The following PIAS1 variants were observed in gnomAD, a reference collection of about 807,000 sequenced individuals.
PIAS1 encodes the protein protein inhibitor of activated STAT 1.
In PIAS1, 6 loss-of-function variants were observed where a neutral mutation model predicts 71.3. The observed-to-expected ratio is 0.08, with a 90% confidence interval of 0.05 to 0.17. The LOEUF (loss-of-function observed/expected upper bound fraction) is 0.17. Ranked by LOEUF, PIAS1 falls within the 10% of genes least tolerant of loss-of-function variation. The pLI is 1.00. For missense variants in PIAS1, 555 were observed against 793.6 expected (o/e 0.70, Z 3.61); for synonymous variants, 303 against 292.9 (o/e 1.03, Z -0.35).
intron 2 of PIAS1, among the ~76,000 whole-genome samples, chr15:68,133,047 G>A (rs1324233446): frequency 6.6e-6 from 1 of 151,018 alleles, no homozygotes; most frequent in Non-Finnish European, 1.5e-5. Flanking sequence ...TACACAGAAA[G>A]TAGTAGCATA....
At chr15:68,100,239 A>C (rs2092411640) in intron 2 of PIAS1, among the ~76,000 whole-genome samples, 1 of 152,204 alleles carries the variant, frequency 6.6e-6, no homozygotes, top group Admixed American at 6.5e-5. Context: ...GCAGTATCCA[A>C]ACTAGGACAT....
intron 2 of PIAS1, among the ~76,000 whole-genome samples, chr15:68,114,031 C>T (rs1402076434): frequency 5.8e-5 from 1 of 17,288 alleles, no homozygotes; most frequent in African/African-American, 9.4e-5. Flanking sequence ...ATATTTCATA[C>T]ACACACACAC....
intron 2 of PIAS1, among the ~76,000 whole-genome samples, chr15:68,107,358 A>G (rs562192735): frequency 6.6e-6 from 1 of 152,292 alleles, no homozygotes; most frequent in South Asian, 2.1e-4. Context: ...TCAGAAGGAA[A>G]TTCCATTTCT....
intron 4 of PIAS1, among the ~76,000 whole-genome samples, chr15:68,142,701 G>A (rs1031088616): frequency 8.5e-5 from 11 of 130,050 alleles, no homozygotes; most frequent in Non-Finnish European, 1.7e-4. Context: ...ATTGCCCTCA[G>A]TTGGTTGAGA....
intron 6 of PIAS1, among the ~76,000 whole-genome samples, chr15:68,148,161 A>AG (rs2092821372): frequency 1.3e-5 from 2 of 152,184 alleles, no homozygotes; most frequent in Non-Finnish European, 2.9e-5. Flanking sequence ...TTTGAACGAG[A>AG]GAGAGCAGTC....
At position 68,101,767 on chromosome 15, in the gene PIAS1, A is replaced by C. The variant is rs144642344; in HGVS notation, c.469+15017A>C. 7.4e-3 allele frequency among the ~76,000 whole-genome samples: 1,122 copies of C among 151,610 alleles called. 8 individuals are homozygous for C. The highest frequency in any genetic ancestry group is 0.012 in the Non-Finnish European group (839 of 67,894). ...ACAACCCCACTTGCACACCCACCCC[A>C]CTTTTTTGACTTGCTCTGTCACCCA... On this transcript the variant is annotated intron_variant, in intron 2 of 13. Coordinates refer to ENST00000249636, the MANE Select transcript of PIAS1 (RefSeq NM_016166.3).
intron 12 of PIAS1, among the ~76,000 whole-genome samples, chr15:68,182,787 G>GT (rs1004302681): frequency 3.3e-5 from 5 of 152,152 alleles, no homozygotes; most frequent in East Asian, 3.8e-4. Flanking sequence ...GAAACGCACT[G>GT]TCACTATCAA....
At chr15:68,066,107 A>G (rs1449089783) in intron 1 of PIAS1, among the ~76,000 whole-genome samples, 1 of 150,910 alleles carries the variant, frequency 6.6e-6, no homozygotes, top group African/African-American at 2.4e-5. Context: ...TAATTTTTTC[A>G]AGGTTATGTT....
chr15:68,131,118 T>C (rs2092685274), intron 2 of PIAS1, among the ~76,000 whole-genome samples: 2 of 152,188 alleles, frequency 1.3e-5, no homozygotes, highest in Admixed American at 1.3e-4. Context: ...TCCATTAGCT[T>C]ATTTGGAGTT....
intron 2 of PIAS1, among the ~76,000 whole-genome samples, chr15:68,137,916 G>A (rs766789288): frequency 6.7e-4 from 102 of 152,112 alleles, no homozygotes; most frequent in Non-Finnish European, 7.9e-4. Context: ...GCCAAGGTGG[G>A]AGGATTCTTG....
At chr15:68,094,873 C>A (rs2092360953) in intron 2 of PIAS1, among the ~76,000 whole-genome samples, 1 of 152,178 alleles carries the variant, frequency 6.6e-6, no homozygotes, top group South Asian at 2.1e-4. Context: ...CTAACACTTA[C>A]CTGCTAAGTC....
chr15:68,187,945 GTGTTTTTTTTCC>G lies in PIAS1; in HGVS notation c.*112_*123del. 1 of 1,009,912 alleles carries G rather than the reference GTGTTTTTTTTCC, an allele frequency of 9.9e-7. No homozygotes were observed. The highest frequency in any genetic ancestry group is 1.4e-6 in the Non-Finnish European group (1 of 706,710). The allele number at this position is 1,009,912 out of a possible 1,614,324, so 62.6% of individuals were successfully genotyped here. A position where few individuals can be genotyped will look rare whatever the true frequency, so the allele number is the denominator to read the frequency against. ...ACTCTGTTTAGAAAAGTATACAAGC[GTGTTTTTTTTCC>G]TTTTTTTAGGGAAAAAATTAAAAGA... On this transcript the variant is annotated 3_prime_UTR_variant, in exon 14 of 14. Transcript: ENST00000249636. This position sits in a 1 kb window ranked among gnomAD's most constrained non-coding sequence, Gnocchi z 5.3.
At chr15:68,149,277 T>A (rs1276443694) in intron 6 of PIAS1, among the ~76,000 whole-genome samples, 1 of 151,328 alleles carries the variant, frequency 6.6e-6, no homozygotes, top group Non-Finnish European at 1.5e-5. Context: ...TGCATATTGG[T>A]GGTTATTGGA....
chr15:68,156,514 C>T (rs1454357448), intron 7 of PIAS1, among the ~76,000 whole-genome samples: 1 of 151,906 alleles, frequency 6.6e-6, no homozygotes, highest in Non-Finnish European at 1.5e-5. Context: ...TCAGACCAGC[C>T]TGACCAACAT....
Position 68,173,151 on chromosome 15 carries a change from A to G in PIAS1, c.1009-581A>G, listed in dbSNP as rs1484978399. 6.6e-6 allele frequency among the ~76,000 whole-genome samples: 1 copy of G among 152,212 alleles called. No homozygotes were observed. The highest frequency in any genetic ancestry group is 2.4e-5 in the African/African-American group (1 of 41,444). ...GCATTCTTTATTTTCCCTAATCCCT[A>G]GTAAGGTGGTTCTTAAATTTTTTTT... On this transcript the variant is annotated intron_variant, in intron 8 of 13. Transcript: ENST00000249636. This position sits in a 1 kb window ranked among gnomAD's most constrained non-coding sequence, Gnocchi z 4.3.
intron 6 of PIAS1, among the ~76,000 whole-genome samples, chr15:68,148,414 A>G (rs2092822865): frequency 6.6e-6 from 1 of 151,972 alleles, no homozygotes; most frequent in Non-Finnish European, 1.5e-5. Context: ...AGGTAATGTT[A>G]AAGTTAAGGA....
chr15:68,139,636 T>A (rs2092756796), intron 2 of PIAS1, among the ~76,000 whole-genome samples: 1 of 152,174 alleles, frequency 6.6e-6, no homozygotes, highest in African/African-American at 2.4e-5. Context: ...AATTATTATT[T>A]GTCAGTTAAT....
At chr15:68,071,270 T>A (rs1289329498) in intron 1 of PIAS1, among the ~76,000 whole-genome samples, 13 of 39,820 alleles carry the variant, frequency 3.3e-4, no homozygotes, top group African/African-American at 6.8e-4. Context: ...TGCTTCATTC[T>A]TTTTTTTTTT....
At chr15:68,098,634 AT>A (rs1360185047) in intron 2 of PIAS1, among the ~76,000 whole-genome samples, 3 of 152,178 alleles carry the variant, frequency 2.0e-5, no homozygotes, top group African/African-American at 7.2e-5. Context: ...TTTCACCCTT[AT>A]TTCAGTCACA....
Sources: gnomAD v4.1 joint callset for allele counts (sites outside exome capture counted in the v4.1 genomes callset) on GRCh38, gnomAD v4.1.1 for gene constraint, Gnocchi (gnomAD v3.1) non-coding constraint, MANE v1.5 for transcripts, NCBI Gene and HGNC (gene_info 2026-07-23, HGNC 2026-07-21) for gene names.